The following MYO1C variants were observed in gnomAD, a reference collection of about 807,000 sequenced individuals.
MYO1C encodes myosin IC.
In MYO1C, 104 loss-of-function variants were observed where a neutral mutation model predicts 150.8. That is an observed-to-expected ratio of 0.69 (90% CI 0.59 to 0.81). The LOEUF (loss-of-function observed/expected upper bound fraction) is 0.81. MYO1C is among the 30% of genes least tolerant of loss of function. MYO1C has a pLI of 0.00. For synonymous variants in MYO1C, 663 were observed against 579.9 expected, an observed-to-expected ratio of 1.14 and a Z score of -2.06; for missense variants, 1,504 against 1,435.0, an observed-to-expected ratio of 1.05 and a Z score of -0.78.
rs1313371638 is a variant in MYO1C at position 1,478,017 on chromosome 17, C to T, written c.1402-46G>A. 9.9e-6 allele frequency: 16 copies of T among 1,612,000 alleles called. No homozygotes were observed. Among genetic ancestry groups the T allele is most frequent in the Non-Finnish European group, 1.4e-5 (16 of 1,178,210 alleles). ...AAGGGATCACCGTGGGGTCCTGGCA[C>T]CCTCTCCCAGGGGCCCCGATACCCA... On this transcript the variant is annotated intron_variant, in intron 12 of 31. Coordinates refer to ENST00000648651, the MANE Select transcript of MYO1C (RefSeq NM_001080779.2). This position sits in a 1 kb window ranked among gnomAD's most constrained non-coding sequence, Gnocchi z 6.3.
Position 1,465,398 on chromosome 17 carries a change from T to C in MYO1C, c.*328A>G, listed in dbSNP as rs2074149717. Reference sequence around the variant, plus strand: ...GTGGGAAATGGCTTTTTTTAAAAAATAGTTTCCTATAAAGCATCAAAAAAA... The same window carrying C: ...GTGGGAAATGGCTTTTTTTAAAAAACAGTTTCCTATAAAGCATCAAAAAAA... On this transcript the variant is annotated 3_prime_UTR_variant, in exon 32 of 32. Coordinates refer to ENST00000648651, the MANE Select transcript of MYO1C (RefSeq NM_001080779.2). 1.6e-5 allele frequency: 4 copies of C among 253,530 alleles called. No homozygotes were observed. Among genetic ancestry groups the C allele is most frequent in the Middle Eastern group, 1.1e-3 (1 of 902 alleles). 15.7% of individuals were successfully genotyped at this position (253,530 alleles called of 1,614,324 possible).
At chr17:1,477,118 C>T (rs745704969) in intron 14 of MYO1C, among the ~76,000 whole-genome samples, 26 of 151,896 alleles carry the variant, frequency 1.7e-4, no homozygotes, top group Non-Finnish European at 3.4e-4. Flanking sequence ...GGATTACAGG[C>T]GTGAGCCACT....
chr17:1,475,409 A>C (rs891075422), intron 14 of MYO1C, among the ~76,000 whole-genome samples: 2 of 151,558 alleles, frequency 1.3e-5, no homozygotes, highest in Non-Finnish European at 2.9e-5. Context: ...GAGCAGGTGC[A>C]CCCCCAGGGC....
At position 1,484,598 on chromosome 17, in the gene MYO1C, T is replaced by G. The variant is rs181656893; in HGVS notation, c.76-295A>C. 5.2e-4 allele frequency: 288 copies of G among 554,404 alleles called. 1 individual carries two copies. The highest frequency in any genetic ancestry group is 8.8e-4 in the Non-Finnish European group (269 of 307,122). The allele number at this position is 554,404 out of a possible 1,614,324, so 34.3% of individuals were successfully genotyped here. On this transcript the variant is annotated intron_variant, in intron 1 of 31. Coordinates refer to ENST00000648651, the MANE Select transcript of MYO1C (RefSeq NM_001080779.2). The stretch of plus-strand genomic sequence containing the variant: ...CCACTTGGGACTCGGACACAGGGCA[T>G]GGACGCAGGCAGGACCAGAGGGCAG...
In MYO1C at chr17:1,479,237, C is replaced by G. The variant is rs142051755; in HGVS notation, c.1092+194G>C. ...CGAACTCCTGACCTCAGGTGACCTG[C>G]CCACCTCAGCCTCCCCAAGTGCTGG... On this transcript the variant is annotated intron_variant, in intron 9 of 31. Transcript: ENST00000648651. This position sits in a 1 kb window ranked among gnomAD's most constrained non-coding sequence, Gnocchi z 4.2. Among the ~76,000 whole-genome samples, 2,557 of 152,284 alleles carry G rather than the reference C, an allele frequency of 0.017. 72 individuals carry two copies. Among genetic ancestry groups the G allele is most frequent in the African/African-American group, 0.058 (2,414 of 41,544 alleles).
chr17:1,469,062 G>A, intron 25 of MYO1C: 1 of 300,802 alleles, frequency 3.3e-6, no homozygotes, highest in East Asian at 8.6e-5. Context: ...ACGAGGCCCA[G>A]CAGGGCCTGG....
chr17:1,492,547 C>G lies in MYO1C; in HGVS notation c.-60G>C. On this transcript the variant is annotated 5_prime_UTR_variant, in exon 1 of 32. Transcript: ENST00000648651. Reference sequence around the variant, plus strand: ...CGGCCTGTGAGCAAGAGCTGCCTGCCCACTGGCGGGCTCCGACCACTCCGG... The same window carrying G: ...CGGCCTGTGAGCAAGAGCTGCCTGCGCACTGGCGGGCTCCGACCACTCCGG... The G allele has an allele frequency of 6.6e-7, 1 of 1,510,946 alleles. No individual in the cohort carries two copies. Among genetic ancestry groups the G allele is most frequent in the South Asian group, 1.2e-5 (1 of 83,978 alleles). 93.6% of individuals were successfully genotyped at this position (1,510,946 alleles called of 1,614,324 possible). A position where few individuals can be genotyped will look rare whatever the true frequency, so the allele number is the denominator to read the frequency against.
At position 1,477,593 on chromosome 17, in the gene MYO1C, C is replaced by T. The variant is rs1371711894; in HGVS notation, c.1486G>A (p.Glu496Lys). 3 of 1,613,178 alleles carry T rather than the reference C, an allele frequency of 1.9e-6. No individual in the cohort carries two copies. Among genetic ancestry groups the T allele is most frequent in the Non-Finnish European group, 2.5e-6 (3 of 1,179,880 alleles). Residue 496 changes from glutamate (E) to lysine (K), a missense_variant, in exon 14 of 32, where the codon GAG (glutamate) becomes AAG (lysine). Coordinates refer to ENST00000648651, the MANE Select transcript of MYO1C (RefSeq NM_001080779.2). ...KFKGIISILD[E>K]ECLRPGEATD... ...GCCTCCCCGGGGCGCAGACACTCCT[C>T]ATCCTGGGGGGTGTGGCACAGGGGG...
chr17:1,469,656 C>T (rs1394828565), intron 24 of MYO1C, 42 bp from the exon 25 acceptor site: 10 of 1,499,652 alleles, frequency 6.7e-6, no homozygotes, highest in Non-Finnish European at 8.3e-6. Context: ...ACACCCTGGG[C>T]CCTTCCCTCT....
rs555843579 is a variant in MYO1C, at chr17:1,478,845, C to T, written c.1093-110G>A. ...CCGCCACCACTCTGCACTCCCAGCT[C>T]CAGCAAGCCTGCAGTATGGGGAGGG... On this transcript the variant is annotated intron_variant, in intron 9 of 31. Transcript: ENST00000648651. The surrounding 1 kb of genome is among the most constrained non-coding windows in gnomAD (Gnocchi z 6.3). The T allele has an allele frequency of 1.9e-6, 3 of 1,540,298 alleles. No individual in the cohort carries two copies. The highest frequency in any genetic ancestry group is 2.6e-6 in the Non-Finnish European group (3 of 1,137,840).
chr17:1,480,199 C>A (rs2074489831), intron 7 of MYO1C, among the ~76,000 whole-genome samples: 1 of 146,726 alleles, frequency 6.8e-6, no homozygotes, highest in Admixed American at 6.9e-5. Context: ...GTAATCCCAG[C>A]ACTTTGAGAG....
rs559701336 is a variant in MYO1C at position 1,483,936 on chromosome 17, G to C, written c.232-211C>G. Among the ~76,000 whole-genome samples, 470 of 152,202 alleles carry C rather than the reference G, an allele frequency of 3.1e-3. 2 individuals carry two copies. Among genetic ancestry groups the C allele is most frequent in the African/African-American group, 0.011 (442 of 41,520 alleles). On this transcript the variant is annotated intron_variant, in intron 2 of 31. Coordinates refer to ENST00000648651, the MANE Select transcript of MYO1C (RefSeq NM_001080779.2). ...GGGTGCCTGTAATCCCAGCTACTCG[G>C]GAGGCTGAGGCAGGAGAATCGCTTG... is the stretch of plus-strand genomic sequence containing the variant.
At chr17:1,466,399 C>T (rs1337505361) in intron 31 of MYO1C, among the ~76,000 whole-genome samples, 1 of 152,034 alleles carries the variant, frequency 6.6e-6, no homozygotes, top group Non-Finnish European at 1.5e-5. Flanking sequence ...GGCGCAATCT[C>T]GGCTCACCGC....
chr17:1,482,180 G>C (rs1598342141), intron 5 of MYO1C, among the ~76,000 whole-genome samples: 1 of 152,122 alleles, frequency 6.6e-6, no homozygotes, highest in Non-Finnish European at 1.5e-5. Context: ...CAGAGGAGCT[G>C]GGACAACAGA....
At position 1,468,100 on chromosome 17, in the gene MYO1C, G is replaced by A. The variant is rs752209304; in HGVS notation, c.2784C>T (p.Tyr928=). 18 of 1,613,372 alleles carry A rather than the reference G, an allele frequency of 1.1e-5. No homozygotes were observed. Among genetic ancestry groups the A allele is most frequent in the African/African-American group, 2.7e-5 (2 of 74,864 alleles). ...PIQYAVPVVK[Y]DRKGYKPRSR... is the part of the protein sequence containing the mutation. The stretch of plus-strand genomic sequence containing the variant: ...AGCGAGGCTTGTAGCCCTTGCGGTC[G>A]TATTTCACAACAGGCACCGCATACT... Residue 928 remains tyrosine, a synonymous_variant, in exon 28 of 32, where the codon TAC becomes TAT. Coordinates refer to ENST00000648651, the MANE Select transcript of MYO1C (RefSeq NM_001080779.2).
chr17:1,481,434 G>A (rs1183557069), intron 5 of MYO1C, among the ~76,000 whole-genome samples: 1 of 152,128 alleles, frequency 6.6e-6, no homozygotes, highest in Non-Finnish European at 1.5e-5. Context: ...CGTTTTCCCT[G>A]CTTAGCCTGG....
chr17:1,478,863 G>A lies in MYO1C; in HGVS notation c.1093-128C>T. On this transcript the variant is annotated intron_variant, in intron 9 of 31. Coordinates refer to ENST00000648651, the MANE Select transcript of MYO1C (RefSeq NM_001080779.2). The surrounding 1 kb of genome is among the most constrained non-coding windows in gnomAD (Gnocchi z 6.3). ...CCCAGCTCCAGCAAGCCTGCAGTAT[G>A]GGGAGGGGTGCTGGTAGTGGGACCT... 5 of 1,452,540 alleles carry A rather than the reference G, an allele frequency of 3.4e-6. No homozygotes were observed. The South Asian group carries it at 3.6e-5, about 10-fold the overall frequency. 90.0% of individuals were successfully genotyped at this position (1,452,540 alleles called of 1,614,324 possible). A position where few individuals can be genotyped will look rare whatever the true frequency, so the allele number is the denominator to read the frequency against.
chr17:1,469,971 G>A (rs1448359816), intron 24 of MYO1C, among the ~76,000 whole-genome samples: 2 of 152,062 alleles, frequency 1.3e-5, no homozygotes, highest in East Asian at 1.9e-4. Flanking sequence ...GGAGGCGGAG[G>A]TTGCAGTGAA....
chr17:1,477,708 G>T, intron 13 of MYO1C, 112 bp from the exon 14 acceptor site: 1 of 1,024,970 alleles, frequency 9.8e-7, no homozygotes, highest in South Asian at 1.3e-5. Context: ...AGATCACAGG[G>T]AGTCTCCACA....
Sources: allele counts gnomAD v4.1 joint callset (sites outside exome capture counted in the v4.1 genomes callset), GRCh38; gene constraint gnomAD v4.1.1; non-coding constraint Gnocchi (gnomAD v3.1); transcripts MANE v1.5; gene names NCBI Gene and HGNC (gene_info 2026-07-23, HGNC 2026-07-21).